The following CDH4 variants were observed in gnomAD, a reference collection of about 807,000 sequenced individuals.
CDH4 encodes the protein cadherin 4.
Under a neutral mutation model 86.0 loss-of-function variants are expected in CDH4, and 33 were observed. That is an observed-to-expected ratio of 0.38 (90% CI 0.29 to 0.51). CDH4 has a LOEUF of 0.51. Among genes scored for constraint, CDH4 ranks in the 20% least tolerant of loss-of-function variants. The pLI is 0.86. For missense variants in CDH4, 1,114 were observed against 1,307.4 expected, an observed-to-expected ratio of 0.85 and a Z score of 2.28; for synonymous variants, 555 against 549.4, an observed-to-expected ratio of 1.01 and a Z score of -0.14.
At position 61,252,512 on chromosome 20, in the gene CDH4, A is replaced by C; in HGVS notation, c.-2A>C. ...CCGGGCACCGGGCGGGCGGCGGGGA[A>C]GATGACCGCGGGCGCCGGCGTGCTC... On this transcript the variant is annotated 5_prime_UTR_variant, in exon 1 of 16. Coordinates refer to ENST00000614565, the MANE Select transcript of CDH4 (RefSeq NM_001794.5). The surrounding 1 kb of genome is among the most constrained non-coding windows in gnomAD (Gnocchi z 4.4). 5.1e-6 allele frequency: 6 copies of C among 1,172,300 alleles called. No homozygotes were observed. Among genetic ancestry groups the C allele is most frequent in the South Asian group, 4.2e-5 (1 of 23,796 alleles). 72.6% of individuals were successfully genotyped at this position (1,172,300 alleles called of 1,614,324 possible). A position where few individuals can be genotyped will look rare whatever the true frequency, so the allele number is the denominator to read the frequency against.
intron 2 of CDH4, among the ~76,000 whole-genome samples, chr20:61,324,192 G>A (rs1046922266): frequency 1.3e-5 from 2 of 152,098 alleles, no homozygotes; most frequent in Admixed American, 1.3e-4. Flanking sequence ...AGACAGATTT[G>A]CAGAGGGCCA....
At chr20:61,454,328 G>A (rs6121955) in intron 2 of CDH4, among the ~76,000 whole-genome samples, 1,795 of 152,300 alleles carry the variant, frequency 0.012, 36 homozygotes, top group African/African-American at 0.041. Flanking sequence ...TTGTTATGGG[G>A]ACATGCACCT....
chr20:61,383,335 TGTGATATATATGAATATATATG>T (rs2084919489), intron 2 of CDH4, among the ~76,000 whole-genome samples: 1 of 79,170 alleles, frequency 1.3e-5, no homozygotes, highest in African/African-American at 6.2e-5. Context: ...TATGAATATA[TGTGATATATATGAATATATATG>T]GATATATATG....
In CDH4 at chr20:61,616,922, G is replaced by T. The variant is rs141293425; in HGVS notation, c.170-126641G>T. Reference sequence around the variant, plus strand: ...CTGGGTCCTGGGGCAGTGGGTCCATGGGGGGCTGCTGGGTGGAGGGGGGTG... The same window carrying T: ...CTGGGTCCTGGGGCAGTGGGTCCATTGGGGGCTGCTGGGTGGAGGGGGGTG... On this transcript the variant is annotated intron_variant, in intron 2 of 15. Transcript: ENST00000614565. Among the ~76,000 whole-genome samples the T allele has an allele frequency of 2.6e-3, 402 of 152,148 alleles. 2 individuals carry two copies. Among genetic ancestry groups the T allele is most frequent in the Non-Finnish European group, 4.5e-3 (305 of 67,998 alleles).
Position 61,373,337 on chromosome 20 carries a change from G to A in CDH4, c.169+118400G>A, listed in dbSNP as rs559398720. On this transcript the variant is annotated intron_variant, in intron 2 of 15. Coordinates refer to ENST00000614565, the MANE Select transcript of CDH4 (RefSeq NM_001794.5). Reference sequence around the variant, plus strand: ...AGCTCAGGGGAGAGCCAGGGATCCCGAGCAGGAGGGCTTGCACCCGTTGAA... The same window carrying A: ...AGCTCAGGGGAGAGCCAGGGATCCCAAGCAGGAGGGCTTGCACCCGTTGAA... Among the ~76,000 whole-genome samples the A allele has an allele frequency of 3.1e-3, 475 of 152,326 alleles. 23 individuals are homozygous for A. In the South Asian group the frequency reaches 0.078, roughly 25 times the overall value.
chr20:61,562,432 G>C (rs111750703), intron 2 of CDH4, among the ~76,000 whole-genome samples: 16 of 151,696 alleles, frequency 1.1e-4, no homozygotes, highest in African/African-American at 3.9e-4. Context: ...GTGGACCCCA[G>C]GACTCCCGGA....
At chr20:61,679,391 G>A (rs563558934) in intron 2 of CDH4, among the ~76,000 whole-genome samples, 1 of 152,278 alleles carries the variant, frequency 6.6e-6, no homozygotes, top group East Asian at 1.9e-4. Flanking sequence ...GTGAGGGGTG[G>A]GTCCCAGGTA....
chr20:61,883,042 A>T (rs552380958), intron 7 of CDH4, among the ~76,000 whole-genome samples: 10 of 151,670 alleles, frequency 6.6e-5, no homozygotes, highest in Admixed American at 2.0e-4. Flanking sequence ...AAACCCCACC[A>T]CGGTTTCCTG....
At chr20:61,332,900 C>T (rs1356751821) in intron 2 of CDH4, among the ~76,000 whole-genome samples, 3 of 152,238 alleles carry the variant, frequency 2.0e-5, no homozygotes, top group Admixed American at 1.3e-4. Context: ...GCTTTCTGCT[C>T]AGCCCCTGCG....
Position 61,902,203 on chromosome 20 carries a change from C to T in CDH4, c.1188+7156C>T, listed in dbSNP as rs1317427478. On this transcript the variant is annotated intron_variant, in intron 8 of 15. Coordinates refer to ENST00000614565, the MANE Select transcript of CDH4 (RefSeq NM_001794.5). This position sits in a 1 kb window ranked among gnomAD's most constrained non-coding sequence, Gnocchi z 4.6. ...CAGGCGTGGAGGCATCGTGGATGGC[C>T]GTTTTCAGAGCAGGGCAGGCAGCAC... Among the ~76,000 whole-genome samples, 4 of 152,184 alleles carry T rather than the reference C, an allele frequency of 2.6e-5. No homozygotes were observed. Among genetic ancestry groups the T allele is most frequent in the African/African-American group, 9.7e-5 (4 of 41,440 alleles).
In CDH4 at chr20:61,804,281, G is replaced by A. The variant is rs536609306; in HGVS notation, c.576+31099G>A. The stretch of plus-strand genomic sequence containing the variant: ...TTTTGTCTCTGAGGCATCACCAGAC[G>A]GGTGTCACCAGCCACATGGTGCAGG... On this transcript the variant is annotated intron_variant, in intron 4 of 15. Coordinates refer to ENST00000614565, the MANE Select transcript of CDH4 (RefSeq NM_001794.5). 5.9e-5 allele frequency among the ~76,000 whole-genome samples: 9 copies of A among 152,272 alleles called. No individual in the cohort carries two copies. In the East Asian group the frequency reaches 9.7e-4, roughly 16 times the overall value.
intron 13 of CDH4, among the ~76,000 whole-genome samples, chr20:61,931,608 G>A (rs938527461): frequency 1.3e-5 from 2 of 152,194 alleles, no homozygotes; most frequent in Non-Finnish European, 1.5e-5. Flanking sequence ...GGGAGGTGAC[G>A]GGAGGCTTCA....
chr20:61,302,489 G>T (rs900720873), intron 2 of CDH4, among the ~76,000 whole-genome samples: 1 of 151,332 alleles, frequency 6.6e-6, no homozygotes, highest in African/African-American at 2.4e-5. Flanking sequence ...CCTGGGTTGG[G>T]GGGGGTCTGT....
At chr20:61,662,371 G>A (rs1323494086) in intron 2 of CDH4, among the ~76,000 whole-genome samples, 3 of 152,236 alleles carry the variant, frequency 2.0e-5, no homozygotes, top group African/African-American at 7.2e-5. Flanking sequence ...TGTAGCACCA[G>A]GTTGTGCTGT....
At position 61,933,020 on chromosome 20, in the gene CDH4, C is replaced by T. The variant is rs1296495378; in HGVS notation, c.2275C>T (p.Arg759Ter). ...GCTGTTTGTCATGTGGATGAAGCGG[C>T]GAGAGAAGGAGCGCCACACGAAGCA... ...VLLFVMWMKR[R>*]EKERHTKQLL... Residue 759 changes from arginine (R) to a stop codon, truncating the protein, a stop_gained, in exon 14 of 16, where the codon CGA becomes TGA. Transcript: ENST00000614565. LOFTEE classifies it high-confidence loss of function. The T allele has an allele frequency of 6.2e-7, 1 of 1,613,268 alleles. No homozygotes were observed. Among genetic ancestry groups the T allele is most frequent in the East Asian group, 2.2e-5 (1 of 44,874 alleles).
At chr20:61,666,011 AC>A (rs1197321509) in intron 2 of CDH4, among the ~76,000 whole-genome samples, 1 of 152,074 alleles carries the variant, frequency 6.6e-6, no homozygotes, top group African/African-American at 2.4e-5. Context: ...GGGACTCCAA[AC>A]GCTGACCCTG....
Position 61,810,484 on chromosome 20 carries a change from C to T in CDH4, c.577-34184C>T, listed in dbSNP as rs1041110174. Among the ~76,000 whole-genome samples the T allele has an allele frequency of 1.3e-5, 2 of 152,152 alleles. No individual in the cohort carries two copies. The highest frequency in any genetic ancestry group is 2.4e-5 in the African/African-American group (1 of 41,420). The stretch of plus-strand genomic sequence containing the variant: ...CAAGTTCTGACCCACTCTGCTCACC[C>T]GCAGTGGGAAGGAGCAAGGGAGCGT... On this transcript the variant is annotated intron_variant, in intron 4 of 15. Transcript: ENST00000614565. The surrounding 1 kb of genome is among the most constrained non-coding windows in gnomAD (Gnocchi z 4.3).
At chr20:61,530,519 A>G (rs535106597) in intron 2 of CDH4, among the ~76,000 whole-genome samples, 1 of 152,208 alleles carries the variant, frequency 6.6e-6, no homozygotes, top group South Asian at 2.1e-4. Context: ...CACGGCATGT[A>G]CTGGGAAGTA....
chr20:61,924,212 C>A, intron 10 of CDH4, 122 bp from the exon 11 acceptor site: 3 of 1,003,292 alleles, frequency 3.0e-6, no homozygotes, highest in Non-Finnish European at 4.4e-6. Context: ...CTGGGGGGCT[C>A]CAAGGAGACA....
Sources: allele counts gnomAD v4.1 joint callset (sites outside exome capture counted in the v4.1 genomes callset), GRCh38; gene constraint gnomAD v4.1.1; non-coding constraint Gnocchi (gnomAD v3.1); transcripts MANE v1.5; gene names NCBI Gene and HGNC (gene_info 2026-07-23, HGNC 2026-07-21).